VWF: variants seen among roughly 807,000 people sequenced by gnomAD.
VWF encodes von Willebrand factor, also known as Factor VIII related antigen.
Under a neutral mutation model 308.6 loss-of-function variants are expected in VWF, and 176 were observed. The observed-to-expected ratio is 0.57, with a 90% CI of 0.50 to 0.65. The LOEUF (loss-of-function observed/expected upper bound fraction) is 0.65. VWF is among the 30% of genes least tolerant of loss of function. VWF has a pLI of 0.00. For synonymous variants in VWF, 1,385 were observed against 1,443.4 expected (o/e 0.96, Z 0.92); for missense variants, 3,146 against 3,648.2 (o/e 0.86, Z 3.55).
chr12:5,969,450 T>C (rs2270239), intron 44 of VWF, 59 bp from the exon 45 acceptor site: 57 of 1,603,826 alleles, frequency 3.6e-5, no homozygotes, highest in Non-Finnish European at 4.3e-5. Context: ...CAGGGTCCCA[T>C]TGGGAATGTG....
In VWF at chr12:6,052,590, A is replaced by T; in HGVS notation, c.2139T>A (p.Gly713=). ...AGATGTCTTCTGGCTGGAAGATCTCACCGTCATAGTAACAGGGGCACTGGG... is the reference window on the plus strand; with the variant it reads ...AGATGTCTTCTGGCTGGAAGATCTCTCCGTCATAGTAACAGGGGCACTGGG... ...PKAQCPCYYD[G]EIFQPEDIFS... Residue 713 remains glycine, a synonymous_variant, in exon 16 of 52, where the codon GGT becomes GGA. Coordinates refer to ENST00000261405, the MANE Select transcript of VWF (RefSeq NM_000552.5). 1 of 1,614,180 alleles carries T rather than the reference A, an allele frequency of 6.2e-7. No individual in the cohort carries two copies. Among genetic ancestry groups the T allele is most frequent in the South Asian group, 1.1e-5 (1 of 91,082 alleles).
chr12:5,959,033 T>C (rs929528370), intron 47 of VWF, among the ~76,000 whole-genome samples: 3 of 151,600 alleles, frequency 2.0e-5, no homozygotes, highest in South Asian at 2.1e-4. Flanking sequence ...CTGGGCAACA[T>C]AGCAAAACTC....
At chr12:5,971,458 G>T (rs1591836841) in intron 44 of VWF, 141 bp downstream of exon 44, 2 of 703,292 alleles carry the variant, frequency 2.8e-6, no homozygotes, top group East Asian at 5.3e-5. Context: ...ATCCCAGCTG[G>T]CATCTGGATA....
At chr12:6,030,459 T>C (rs954439906) in intron 21 of VWF, among the ~76,000 whole-genome samples, 1 of 151,934 alleles carries the variant, frequency 6.6e-6, no homozygotes, top group African/African-American at 2.4e-5. Flanking sequence ...TGGGAGAAAA[T>C]GAAGATACCA....
At chr12:6,103,471 T>TATGTGTATACACACAC (rs202230601) in intron 5 of VWF, among the ~76,000 whole-genome samples, 1 of 13,668 alleles carries the variant, frequency 7.3e-5, no homozygotes, top group African/African-American at 2.8e-4. Flanking sequence ...TATACACATA[T>TATGTGTATACACACAC]GTGTGTATAT....
rs1319571721 is a variant in VWF, at chr12:5,948,910, G to A, written c.*105C>T. On this transcript the variant is annotated 3_prime_UTR_variant, in exon 52 of 52. Transcript: ENST00000261405. This position sits in a 1 kb window ranked among gnomAD's most constrained non-coding sequence, Gnocchi z 4.4. The stretch of plus-strand genomic sequence containing the variant: ...GATAAGAGCTCAGCCTTTATTGTGG[G>A]CTCAGAAGGGCACAAGAGCAGAACA... 2.0e-5 allele frequency: 27 copies of A among 1,328,972 alleles called. No individual in the cohort carries two copies. Among genetic ancestry groups the A allele is most frequent in the Non-Finnish European group, 2.7e-5 (26 of 948,516 alleles). 82.3% of individuals were successfully genotyped at this position (1,328,972 alleles called of 1,614,324 possible).
chr12:5,979,071 C>T (rs1043699541), intron 42 of VWF, among the ~76,000 whole-genome samples: 2 of 152,172 alleles, frequency 1.3e-5, no homozygotes, highest in South Asian at 2.1e-4. Flanking sequence ...ACATCAAACA[C>T]ATAAGAATCC....
At chr12:6,027,635 G>C (rs1944209562) in intron 22 of VWF, among the ~76,000 whole-genome samples, 1 of 152,084 alleles carries the variant, frequency 6.6e-6, no homozygotes, top group Admixed American at 6.5e-5. Flanking sequence ...ATGGAGGATG[G>C]GGCCACAAGC....
In VWF at chr12:6,034,778, G is replaced by A. The variant is rs764652954; in HGVS notation, c.2595C>T (p.Ala865=). ...GGGCCATGCCGATCGTGGAGCACGT[G>A]GCATCACACACATGGTCTGTGCAGT... The part of the protein sequence containing the change: ...KWNCTDHVCD[A]TCSTIGMAHY... Residue 865 remains alanine, a synonymous_variant, in exon 20 of 52, where the codon GCC becomes GCT. Transcript: ENST00000261405. The A allele has an allele frequency of 1.2e-6, 2 of 1,614,220 alleles. No individual in the cohort carries two copies. Among genetic ancestry groups the A allele is most frequent in the Non-Finnish European group, 8.5e-7 (1 of 1,180,036 alleles).
chr12:5,977,399 A>C (rs939781325), intron 42 of VWF, among the ~76,000 whole-genome samples: 1 of 152,226 alleles, frequency 6.6e-6, no homozygotes, highest in Non-Finnish European at 1.5e-5. Flanking sequence ...CTATGCAGCT[A>C]TAAGAAAGAA....
At chr12:6,072,554 A>C (rs1306321435) in intron 8 of VWF, 112 bp from the exon 9 acceptor site, 1 of 867,512 alleles carries the variant, frequency 1.2e-6, no homozygotes, top group Non-Finnish European at 1.9e-6. Flanking sequence ...AAGCTCAAAG[A>C]ACTTGTTCTG....
At position 6,065,210 on chromosome 12, in the gene VWF, C is replaced by A. The variant is rs1350078273; in HGVS notation, c.1220G>T (p.Ser407Ile). ...GGCCAGCAGGTACTGGCAGATCCCA[C>A]TGAAGGTGAAGTATCTGTTGTCAAA... ...KSFDNRYFTF[S>I]GICQYLLARD... The change falls in exon 11 of 52, where the codon AGT becomes ATT. Residue 407 changes from serine (S) to isoleucine (I), a missense_variant. This residue lies in a region of VWF where 1,304 missense variants were observed against 1,353.0 expected (regional missense o/e 0.96). Transcript: ENST00000261405. 3 of 1,614,174 alleles carry A rather than the reference C, an allele frequency of 1.9e-6. No individual in the cohort carries two copies. Among genetic ancestry groups the A allele is most frequent in the Non-Finnish European group, 2.5e-6 (3 of 1,180,026 alleles).
chr12:6,041,649 C>T (rs999330465), intron 18 of VWF, among the ~76,000 whole-genome samples: 18 of 151,636 alleles, frequency 1.2e-4, no homozygotes, highest in African/African-American at 2.7e-4. Context: ...AGCGTTTCAC[C>T]GTGTTACCGG....
chr12:6,058,124 A>AC lies in VWF; in HGVS notation c.1534-81_1534-80insG. The stretch of plus-strand genomic sequence containing the variant: ...TTGTTTAGCTAATGAGATGGTTTTA[A>AC]TAAAAAAAAAAAAGTTCCCCGGGTG... On this transcript the variant is annotated intron_variant, in intron 13 of 51. Transcript: ENST00000261405. This position sits in a 1 kb window ranked among gnomAD's most constrained non-coding sequence, Gnocchi z 4.9. 2 of 1,507,164 alleles carry AC rather than the reference A, an allele frequency of 1.3e-6. No individual in the cohort carries two copies. Among genetic ancestry groups the AC allele is most frequent in the Non-Finnish European group, 1.8e-6 (2 of 1,114,618 alleles). 93.4% of individuals were successfully genotyped at this position (1,507,164 alleles called of 1,614,324 possible). A position where few individuals can be genotyped will look rare whatever the true frequency, so the allele number is the denominator to read the frequency against.
intron 3 of VWF, among the ~76,000 whole-genome samples, chr12:6,112,313 A>G (rs984510997): frequency 6.6e-6 from 1 of 152,210 alleles, no homozygotes; most frequent in African/African-American, 2.4e-5. Context: ...CAGCGTGACC[A>G]AAGCTTAGCA....
At chr12:6,044,211 C>G in intron 18 of VWF, 80 bp downstream of exon 18, 1 of 1,566,092 alleles carries the variant, frequency 6.4e-7, no homozygotes, top group Non-Finnish European at 8.7e-7. Flanking sequence ...CTTCCTCTCT[C>G]TGGCTGCACA....
chr12:6,044,617 G>A (rs1048196148), intron 17 of VWF, among the ~76,000 whole-genome samples, 166 bp from the exon 18 acceptor site: 2 of 152,154 alleles, frequency 1.3e-5, no homozygotes, highest in Non-Finnish European at 2.9e-5. Flanking sequence ...TGTGGGACTG[G>A]GAGGGCATCT....
rs562536692 is a variant in VWF, at chr12:6,121,025, C to T, written c.220+149G>A. ...ACCCGGGGAAAGCCAAGAGGGGCTA[C>T]GTGTCACAGAAAGGCTGTTCCTCTC... is the stretch of plus-strand genomic sequence containing the variant. On this transcript the variant is annotated intron_variant, in intron 3 of 51. Transcript: ENST00000261405. 5.2e-4 allele frequency: 565 copies of T among 1,077,438 alleles called. 1 individual carries two copies. Among genetic ancestry groups the T allele is most frequent in the Middle Eastern group, 1.2e-3 (4 of 3,346 alleles). 66.7% of individuals were successfully genotyped at this position (1,077,438 alleles called of 1,614,324 possible). A position where few individuals can be genotyped will look rare whatever the true frequency, so the allele number is the denominator to read the frequency against.
In VWF at chr12:6,017,020, G is replaced by C. The variant is rs575024073; in HGVS notation, c.5054-150C>G. 36 of 807,404 alleles carry C rather than the reference G, an allele frequency of 4.5e-5. No individual in the cohort carries two copies. In the African/African-American group the frequency reaches 4.7e-4, roughly 11 times the overall value. The allele number at this position is 807,404 out of a possible 1,614,324, so 50.0% of individuals were successfully genotyped here. On this transcript the variant is annotated intron_variant, in intron 28 of 51. Transcript: ENST00000261405. Reference sequence around the variant, plus strand: ...GGGGGGTGCCTTCGTGAGTACAAGGGCAATGTGGGCCAGGGAGGAGGGGAT... The same window carrying C: ...GGGGGGTGCCTTCGTGAGTACAAGGCCAATGTGGGCCAGGGAGGAGGGGAT...
Sources: gnomAD v4.1 joint callset for allele counts (sites outside exome capture counted in the v4.1 genomes callset) on GRCh38, gnomAD v4.1.1 for gene constraint, gnomAD v4.1.1 regional missense constraint, Gnocchi (gnomAD v3.1) non-coding constraint, MANE v1.5 for transcripts, NCBI Gene and HGNC (gene_info 2026-07-23, HGNC 2026-07-21) for gene names.